The following LRRC7 variants were observed in gnomAD, a reference collection of about 807,000 sequenced individuals.
LRRC7 encodes leucine rich repeat containing 7.
LRRC7 carries 23 observed loss-of-function variants against 175.7 expected under a neutral mutation model. That is an observed-to-expected ratio of 0.13 (90% CI 0.09 to 0.19). LRRC7 has a LOEUF of 0.19. LRRC7 is among the 10% of genes least tolerant of loss of function. LRRC7 has a pLI of 1.00. For synonymous variants in LRRC7, 685 were observed against 680.9 expected, an observed-to-expected ratio of 1.01 and a Z score of -0.09; for missense variants, 1,354 against 1,904.7, an observed-to-expected ratio of 0.71 and a Z score of 5.38.
intron 7 of LRRC7, among the ~76,000 whole-genome samples, chr1:69,916,078 T>A (rs1646684296): frequency 4.3e-4 from 1 of 2,320 alleles, no homozygotes; most frequent in Non-Finnish European, 1.2e-3. Flanking sequence ...ATATATATAA[T>A]ATATATATTA....
intron 2 of LRRC7, among the ~76,000 whole-genome samples, chr1:69,685,784 G>A (rs1048930437): frequency 9.9e-5 from 15 of 151,830 alleles, no homozygotes; most frequent in Admixed American, 1.3e-4. Context: ...GAGAGGAGAA[G>A]GAGTATGGGA....
intron 3 of LRRC7, among the ~76,000 whole-genome samples, chr1:69,778,279 AT>A (rs1280075118): frequency 6.6e-6 from 1 of 152,144 alleles, no homozygotes; most frequent in Non-Finnish European, 1.5e-5. Flanking sequence ...CTATATGTTT[AT>A]TGAATGCTTA....
intron 7 of LRRC7, among the ~76,000 whole-genome samples, chr1:69,906,901 G>A (rs1046112729): frequency 6.6e-6 from 1 of 152,118 alleles, no homozygotes; most frequent in Admixed American, 6.5e-5. Flanking sequence ...AGCATGGAAT[G>A]TTCTTCCATT....
At chr1:69,601,384 C>T (rs1438877152) in intron 1 of LRRC7, among the ~76,000 whole-genome samples, 1 of 152,182 alleles carries the variant, frequency 6.6e-6, no homozygotes, top group African/African-American at 2.4e-5. Flanking sequence ...TTTTGCTTCT[C>T]TGTAACCTCC....
intron 7 of LRRC7, among the ~76,000 whole-genome samples, chr1:69,868,472 G>A (rs924924246): frequency 6.6e-6 from 1 of 152,120 alleles, no homozygotes; most frequent in African/African-American, 2.4e-5. Flanking sequence ...CAGATGAAGA[G>A]AGCGGTGTTA....
At chr1:69,948,798 G>A (rs931723904) in intron 8 of LRRC7, among the ~76,000 whole-genome samples, 1 of 152,144 alleles carries the variant, frequency 6.6e-6, no homozygotes, top group African/African-American at 2.4e-5. Context: ...TTGACAGCAA[G>A]ACGTGGATGA....
chr1:69,880,888 A>G (rs1269821032), intron 7 of LRRC7, among the ~76,000 whole-genome samples: 1 of 152,224 alleles, frequency 6.6e-6, no homozygotes, highest in Non-Finnish European at 1.5e-5. Context: ...AGCCATGTTC[A>G]AAGCAACTAG....
At chr1:69,839,309 A>G (rs1274167126) in intron 7 of LRRC7, among the ~76,000 whole-genome samples, 1 of 152,130 alleles carries the variant, frequency 6.6e-6, no homozygotes, top group African/African-American at 2.4e-5. Flanking sequence ...TAATTTGAAT[A>G]TATACATAAA....
At chr1:69,591,150 C>T (rs1646617006) in intron 1 of LRRC7, among the ~76,000 whole-genome samples, 1 of 151,842 alleles carries the variant, frequency 6.6e-6, no homozygotes, top group Non-Finnish European at 1.5e-5. Context: ...AGAGGAATAC[C>T]CTGTGCCAAG....
chr1:69,752,732 A>C (rs911917722), intron 2 of LRRC7, among the ~76,000 whole-genome samples: 2 of 152,112 alleles, frequency 1.3e-5, no homozygotes, highest in Non-Finnish European at 2.9e-5. Context: ...GAAAAAGAAA[A>C]ATCACCATTA....
chr1:69,884,976 A>G (rs1007272635), intron 7 of LRRC7, among the ~76,000 whole-genome samples: 3 of 150,100 alleles, frequency 2.0e-5, no homozygotes, highest in Non-Finnish European at 3.0e-5. Context: ...CCACTTGATC[A>G]TGGTGGGTAA....
chr1:69,994,297 A>G (rs1042478104), intron 10 of LRRC7, among the ~76,000 whole-genome samples: 4 of 152,142 alleles, frequency 2.6e-5, no homozygotes, highest in African/African-American at 9.7e-5. Flanking sequence ...ATTAGTGTCA[A>G]CTGGGGTGTA....
At chr1:69,826,317 T>C (rs1455119518) in intron 5 of LRRC7, among the ~76,000 whole-genome samples, 1 of 151,982 alleles carries the variant, frequency 6.6e-6, no homozygotes, top group Admixed American at 6.6e-5. Flanking sequence ...CCTAGGAGAA[T>C]AGGAGAATGG....
At chr1:69,945,042 T>C (rs1649158572) in intron 8 of LRRC7, among the ~76,000 whole-genome samples, 1 of 152,156 alleles carries the variant, frequency 6.6e-6, no homozygotes, top group South Asian at 2.1e-4. Flanking sequence ...TTACTTCTTT[T>C]GTCTCTGCTT....
intron 11 of LRRC7, among the ~76,000 whole-genome samples, chr1:70,001,709 C>G (rs1044129639): frequency 1.3e-5 from 2 of 152,122 alleles, no homozygotes; most frequent in African/African-American, 2.4e-5. Context: ...GACATTTGTG[C>G]CAAATGACTT....
intron 17 of LRRC7, among the ~76,000 whole-genome samples, chr1:70,027,904 C>T (rs1658293661): frequency 6.6e-6 from 1 of 152,164 alleles, no homozygotes; most frequent in Non-Finnish European, 1.5e-5. Flanking sequence ...TTTTGACCTA[C>T]TGCTATTTCA....
At chr1:69,577,467 T>G (rs1222816114) in intron 1 of LRRC7, among the ~76,000 whole-genome samples, 1 of 152,228 alleles carries the variant, frequency 6.6e-6, no homozygotes, top group Non-Finnish European at 1.5e-5. Context: ...GCCTATGTCC[T>G]GAATGGTATT....
intron 1 of LRRC7, among the ~76,000 whole-genome samples, chr1:69,602,326 C>T (rs755391593): frequency 6.6e-6 from 1 of 152,126 alleles, no homozygotes; most frequent in African/African-American, 2.4e-5. Flanking sequence ...GCATGGTTGA[C>T]TGTAGCTTTG....
intron 3 of LRRC7, among the ~76,000 whole-genome samples, chr1:69,783,950 A>G (rs1213069594): frequency 1.3e-5 from 2 of 152,132 alleles, no homozygotes; most frequent in Non-Finnish European, 2.9e-5. Flanking sequence ...GTATATTAGA[A>G]TATTCTTAGC....
Sources: gnomAD v4.1 joint callset for allele counts (sites outside exome capture counted in the v4.1 genomes callset) on GRCh38, gnomAD v4.1.1 for gene constraint, MANE v1.5 for transcripts, NCBI Gene and HGNC (gene_info 2026-07-23, HGNC 2026-07-21) for gene names.